Variants in DGKB observed in about 807,000 individuals in gnomAD.
The protein encoded by DGKB is diacylglycerol kinase beta.
A neutral mutation model predicts 114.3 loss-of-function variants in DGKB; 67 were observed. The observed-to-expected ratio is 0.59, with a 90% CI of 0.48 to 0.72. DGKB has a LOEUF of 0.72. Among genes scored for constraint, DGKB ranks in the 30% least tolerant of loss-of-function variants. The pLI is 0.00. For missense variants in DGKB, 907 were observed against 975.2 expected, an observed-to-expected ratio of 0.93 and a Z score of 0.93; for synonymous variants, 398 against 323.1, an observed-to-expected ratio of 1.23 and a Z score of -2.49.
intron 23 of DGKB, among the ~76,000 whole-genome samples, chr7:14,299,845 T>A (rs528985520): frequency 6.6e-6 from 1 of 152,074 alleles, no homozygotes; most frequent in East Asian, 1.9e-4. Context: ...CAGTGAGCTA[T>A]ATTAATCAAG....
chr7:14,390,694 T>G (rs148823011), intron 21 of DGKB, among the ~76,000 whole-genome samples: 13 of 152,320 alleles, frequency 8.5e-5, no homozygotes, highest in African/African-American at 3.1e-4. Flanking sequence ...AAAACAATAG[T>G]GTTTCCAAAG....
intron 21 of DGKB, among the ~76,000 whole-genome samples, chr7:14,471,388 C>A (rs374459690): frequency 7.8e-4 from 1 of 1,288 alleles, no homozygotes. Flanking sequence ...TATACACACA[C>A]ATATATGTAT....
Position 14,574,416 on chromosome 7 carries a change from A to G in DGKB, c.1610-44T>C, listed in dbSNP as rs537902377. On this transcript the variant is annotated intron_variant, in intron 19 of 25. Coordinates refer to ENST00000402815, the MANE Select transcript of DGKB (RefSeq NM_001350709.2). ...ACCTTGAGAAAAGAACTCTAACCAA[A>G]TAAAAAAGCTGTATTTTTATGTTTC... is the stretch of plus-strand genomic sequence containing the variant. 8.5e-6 allele frequency: 13 copies of G among 1,531,092 alleles called. No individual in the cohort carries two copies. The South Asian group carries it at 1.1e-4, about 13-fold the overall frequency. The allele number at this position is 1,531,092 out of a possible 1,614,324, so 94.8% of individuals were successfully genotyped here.
chr7:14,744,745 T>A (rs1293461835), intron 4 of DGKB, among the ~76,000 whole-genome samples: 1 of 152,228 alleles, frequency 6.6e-6, no homozygotes, highest in Non-Finnish European at 1.5e-5. Flanking sequence ...ATGAATTGTT[T>A]TTAACAAAAA....
chr7:14,295,724 G>C lies in DGKB; in HGVS notation c.2122+42791C>G, dbSNP rs148319709. 1.4e-3 allele frequency among the ~76,000 whole-genome samples: 210 copies of C among 152,028 alleles called. 2 individuals carry two copies. Among genetic ancestry groups the C allele is most frequent in the Non-Finnish European group, 2.2e-3 (151 of 67,976 alleles). On this transcript the variant is annotated intron_variant, in intron 23 of 25. Coordinates refer to ENST00000402815, the MANE Select transcript of DGKB (RefSeq NM_001350709.2). ...CTTTTTAAAAAATTATTATTATTATGTTCTAAGTTCTCGGATACATGTGCA... is the reference window on the plus strand; with the variant it reads ...CTTTTTAAAAAATTATTATTATTATCTTCTAAGTTCTCGGATACATGTGCA...
intron 2 of DGKB, among the ~76,000 whole-genome samples, chr7:14,814,390 A>G (rs905215815): frequency 3.9e-5 from 6 of 152,192 alleles, no homozygotes; most frequent in Non-Finnish European, 8.8e-5. Flanking sequence ...AGCTGTTTTT[A>G]TCAAGCCTGA....
chr7:14,630,909 T>C (rs1809553379), intron 13 of DGKB, among the ~76,000 whole-genome samples: 1 of 151,938 alleles, frequency 6.6e-6, no homozygotes, highest in African/African-American at 2.4e-5. Context: ...AAAGCCTTTT[T>C]TTTTTTGACA....
chr7:14,702,109 G>C (rs1825301536), intron 6 of DGKB, among the ~76,000 whole-genome samples: 1 of 152,094 alleles, frequency 6.6e-6, no homozygotes, highest in Non-Finnish European at 1.5e-5. Context: ...GTGAAATTTA[G>C]AAATCAACTA....
At chr7:14,832,732 T>C (rs1466545158) in intron 2 of DGKB, among the ~76,000 whole-genome samples, 2 of 152,082 alleles carry the variant, frequency 1.3e-5, no homozygotes, top group Non-Finnish European at 2.9e-5. Flanking sequence ...AACTGTCTTA[T>C]AAATAAATCT....
intron 21 of DGKB, among the ~76,000 whole-genome samples, chr7:14,477,857 C>T (rs572134551): frequency 2.0e-5 from 3 of 152,118 alleles, no homozygotes; most frequent in South Asian, 2.1e-4. Flanking sequence ...TGTTCATATA[C>T]GTCATGAAAA....
rs753273453 is a variant in DGKB, at chr7:14,662,394, T to G, written c.1134+10535A>C. Among the ~76,000 whole-genome samples the G allele has an allele frequency of 2.6e-5, 4 of 152,018 alleles. No homozygotes were observed. The East Asian group carries it at 7.8e-4, about 30-fold the overall frequency. ...TAATCATTATTTTCTTCATTAGGAA[T>G]GGGTTTATAGTACAGAAAGAATTAA... On this transcript the variant is annotated intron_variant, in intron 13 of 25. Transcript: ENST00000402815.
intron 20 of DGKB, among the ~76,000 whole-genome samples, chr7:14,479,454 A>C (rs955971988): frequency 1.3e-5 from 2 of 152,254 alleles, no homozygotes; most frequent in Admixed American, 6.5e-5. Flanking sequence ...GAATCCATGA[A>C]TGAAAATCAC....
At chr7:14,904,513 A>G (rs1783566614), upstream of DGKB, among the ~76,000 whole-genome samples, 1 of 152,154 alleles carries the variant, frequency 6.6e-6, no homozygotes, top group Non-Finnish European at 1.5e-5. Context: ...TAAATAATAC[A>G]TCTTTCCCTG....
At chr7:14,643,856 G>A (rs1228803756) in intron 13 of DGKB, among the ~76,000 whole-genome samples, 2 of 152,156 alleles carry the variant, frequency 1.3e-5, no homozygotes, top group African/African-American at 4.8e-5. Flanking sequence ...ATCCTCCTCA[G>A]GAATTGCTAC....
At chr7:14,277,315 T>C (rs1799171698) in intron 23 of DGKB, among the ~76,000 whole-genome samples, 2 of 151,800 alleles carry the variant, frequency 1.3e-5, no homozygotes, top group African/African-American at 2.4e-5. Context: ...GAATTACAGG[T>C]GCATGCCACC....
chr7:14,615,464 T>G (rs1046463689), intron 15 of DGKB, among the ~76,000 whole-genome samples: 1 of 151,858 alleles, frequency 6.6e-6, no homozygotes. Context: ...AGTTATATAC[T>G]GTTATGAACA....
chr7:14,309,951 T>G (rs558977584), intron 23 of DGKB, among the ~76,000 whole-genome samples: 1 of 152,306 alleles, frequency 6.6e-6, no homozygotes, highest in South Asian at 2.1e-4. Context: ...ATGGAAGCAC[T>G]CTACTATGAT....
intron 2 of DGKB, among the ~76,000 whole-genome samples, chr7:14,772,546 A>C (rs1174700822): frequency 1.3e-5 from 2 of 152,192 alleles, no homozygotes; most frequent in Non-Finnish European, 2.9e-5. Flanking sequence ...ATTAGAAGAG[A>C]AAGCATGCAT....
At chr7:14,814,157 C>A (rs1009704310) in intron 2 of DGKB, 5 of 152,042 alleles carry the variant, frequency 3.3e-5, no homozygotes, top group Non-Finnish European at 5.9e-5. Flanking sequence ...GTGAGTGACC[C>A]AATTCTATTT....
Sources: allele counts gnomAD v4.1 joint callset (sites outside exome capture counted in the v4.1 genomes callset), GRCh38; gene constraint gnomAD v4.1.1; transcripts MANE v1.5; gene names NCBI Gene and HGNC (gene_info 2026-07-23, HGNC 2026-07-21).